Variants in ARMH1 observed in about 807,000 individuals in gnomAD.
ARMH1 encodes the protein armadillo-like helical domain containing protein 1.
ARMH1 carries 34 observed loss-of-function variants against 50.2 expected under a neutral mutation model. The observed-to-expected ratio is 0.68, with a 90% CI of 0.51 to 0.90. ARMH1 has a LOEUF of 0.90. Ranked by LOEUF, ARMH1 falls within the 40% of genes least tolerant of loss-of-function variation. The pLI, the probability that ARMH1 is intolerant of heterozygous loss-of-function variation, is 0.00. For missense variants in ARMH1, 538 were observed against 553.9 expected (o/e 0.97, Z 0.29); for synonymous variants, 221 against 224.2 (o/e 0.99, Z 0.13).
At chr1:44,718,737 T>G (rs1465064237) in intron 6 of ARMH1, among the ~76,000 whole-genome samples, 3 of 152,046 alleles carry the variant, frequency 2.0e-5, no homozygotes, top group Non-Finnish European at 4.4e-5. Context: ...ATAAGAAGCG[T>G]TTCTGGGCCG....
chr1:44,696,055 CA>C (rs1481825729), intron 2 of ARMH1, among the ~76,000 whole-genome samples: 2 of 151,920 alleles, frequency 1.3e-5, no homozygotes, highest in Admixed American at 6.6e-5. Flanking sequence ...GAGGAAGGAA[CA>C]GGGGCAGAAG....
intron 1 of ARMH1, among the ~76,000 whole-genome samples, chr1:44,678,468 G>T (rs993144024): frequency 2.0e-5 from 3 of 152,024 alleles, no homozygotes; most frequent in Non-Finnish European, 2.9e-5. Flanking sequence ...TATCTGCCAG[G>T]GTATGACTGG....
chr1:44,692,466 AT>A (rs1431377724), intron 2 of ARMH1, among the ~76,000 whole-genome samples: 9 of 151,886 alleles, frequency 5.9e-5, no homozygotes, highest in Non-Finnish European at 8.8e-5. Flanking sequence ...CCCCCACTGG[AT>A]TTTAGATCCA....
intron 4 of ARMH1, 69 bp from the exon 5 acceptor site, chr1:44,700,854 A>G (rs1255289343): frequency 5.9e-6 from 8 of 1,345,220 alleles, no homozygotes; most frequent in Non-Finnish European, 7.0e-6. Context: ...TATTCATATT[A>G]TATAATCTTG....
chr1:44,692,772 C>T (rs1039327365), intron 2 of ARMH1, among the ~76,000 whole-genome samples: 2 of 151,942 alleles, frequency 1.3e-5, no homozygotes, highest in African/African-American at 4.8e-5. Flanking sequence ...TTCCTCTGTT[C>T]CCCAGGCTGG....
intron 4 of ARMH1, among the ~76,000 whole-genome samples, chr1:44,700,175 A>T (rs1646003687): frequency 6.6e-6 from 1 of 152,120 alleles, no homozygotes. Flanking sequence ...ATTCTCATCA[A>T]GGTTCTCCTG....
Position 44,718,514 on chromosome 1 carries a change from A to G in ARMH1, c.725-5608A>G, listed in dbSNP as rs570117963. 6.6e-5 allele frequency among the ~76,000 whole-genome samples: 10 copies of G among 152,358 alleles called. No individual in the cohort carries two copies. The South Asian group carries it at 1.9e-3, about 28-fold the overall frequency. On this transcript the variant is annotated intron_variant, in intron 6 of 11. Coordinates refer to ENST00000535358, the MANE Select transcript of ARMH1 (RefSeq NM_001145636.2). ...TCCGGTCTGCCATTTTGTCCAGATC[A>G]GAGAGTGTTTGGGGGAAGCCAGGGA...
intron 6 of ARMH1, chr1:44,721,984 G>A (rs1231505871): frequency 2.0e-5 from 3 of 152,188 alleles, no homozygotes; most frequent in Non-Finnish European, 4.4e-5. Flanking sequence ...GCAGACAGAA[G>A]CTTTTCTTCC....
intron 3 of ARMH1, among the ~76,000 whole-genome samples, 155 bp from the exon 4 acceptor site, chr1:44,697,908 A>G (rs1278525239): frequency 1.3e-5 from 2 of 152,248 alleles, no homozygotes; most frequent in Non-Finnish European, 2.9e-5. Context: ...TCCTGCTGGA[A>G]GGAAGAATTT....
Position 44,721,051 on chromosome 1 carries a change from C to CAAAAA in ARMH1, c.725-3068_725-3064dup, listed in dbSNP as rs770266507. 5.1e-3 allele frequency among the ~76,000 whole-genome samples: 768 copies of CAAAAA among 151,366 alleles called. 4 individuals carry two copies. Among genetic ancestry groups the CAAAAA allele is most frequent in the Non-Finnish European group, 8.7e-3 (591 of 67,786 alleles). ...AACTCCATCTCAAAACAAAACAAAA[C>CAAAAA]AAAAAAAGGGCAAAAGAAAGAGAAG... is the stretch of plus-strand genomic sequence containing the variant. On this transcript the variant is annotated intron_variant, in intron 6 of 11. Coordinates refer to ENST00000535358, the MANE Select transcript of ARMH1 (RefSeq NM_001145636.2).
At chr1:44,688,660 C>T (rs988814332) in intron 1 of ARMH1, among the ~76,000 whole-genome samples, 2 of 152,198 alleles carry the variant, frequency 1.3e-5, no homozygotes, top group African/African-American at 4.8e-5. Context: ...TGAAATATGA[C>T]TTTCACTTGT....
At chr1:44,691,035 G>A (rs1419573772) in intron 2 of ARMH1, among the ~76,000 whole-genome samples, 6 of 151,456 alleles carry the variant, frequency 4.0e-5, no homozygotes, top group Admixed American at 1.3e-4. Context: ...CGAGGTGGGC[G>A]GATCACCTGA....
At position 44,724,280 on chromosome 1, in the gene ARMH1, G is replaced by T; in HGVS notation, c.847+36G>T. The T allele has an allele frequency of 6.4e-7, 1 of 1,550,936 alleles. No homozygotes were observed. Among genetic ancestry groups the T allele is most frequent in the African/African-American group, 1.4e-5 (1 of 73,138 alleles). ...GCTCAAATGGGGCTGCCTGGGCCAC[G>T]GGAGGGCGGTCTCTTGCCTCACGGC... On this transcript the variant is annotated intron_variant, in intron 7 of 11. Transcript: ENST00000535358. This position sits in a 1 kb window ranked among gnomAD's most constrained non-coding sequence, Gnocchi z 6.4.
At chr1:44,719,206 G>C (rs1033533872) in intron 6 of ARMH1, among the ~76,000 whole-genome samples, 1 of 145,800 alleles carries the variant, frequency 6.9e-6, no homozygotes, top group African/African-American at 2.6e-5. Flanking sequence ...TTTTAATTCT[G>C]TGATTGGGAA....
chr1:44,700,907 T>A lies in ARMH1; in HGVS notation c.443-16T>A. On this transcript the variant is annotated splice_polypyrimidine_tract_variant and intron_variant, in intron 4 of 11. Transcript: ENST00000535358. ...AAATCCCTTCCAATTTAGCATTTCC[T>A]CTCTTCTTTGCTCAGGTGTACGATC... The A allele has an allele frequency of 3.9e-6, 6 of 1,526,750 alleles. No homozygotes were observed. The highest frequency in any genetic ancestry group is 5.3e-6 in the Non-Finnish European group (6 of 1,136,742). 94.6% of individuals were successfully genotyped at this position (1,526,750 alleles called of 1,614,324 possible).
At chr1:44,703,560 TAAA>T (rs1186744272) in intron 5 of ARMH1, among the ~76,000 whole-genome samples, 7 of 107,030 alleles carry the variant, frequency 6.5e-5, no homozygotes, top group South Asian at 3.4e-4. Flanking sequence ...CCGTCTCTAC[TAAA>T]AAAAAAAAAA....
intron 6 of ARMH1, among the ~76,000 whole-genome samples, chr1:44,704,853 G>C (rs74373069): frequency 3.2e-5 from 2 of 61,696 alleles, no homozygotes; most frequent in African/African-American, 1.3e-4. Context: ...TTTTTTTTTT[G>C]AGACGGAATC....
intron 3 of ARMH1, 109 bp downstream of exon 3, chr1:44,697,279 C>T: frequency 1.2e-6 from 1 of 842,616 alleles, no homozygotes; most frequent in Non-Finnish European, 2.0e-6. Context: ...GCAGTGGGTT[C>T]CTTGTAGCTC....
chr1:44,684,195 T>C (rs1252056424), intron 1 of ARMH1, among the ~76,000 whole-genome samples: 2 of 152,252 alleles, frequency 1.3e-5, no homozygotes, highest in Non-Finnish European at 2.9e-5. Context: ...AACTGACTCT[T>C]GAAATTGACA....
Sources: gnomAD v4.1 joint callset for allele counts (sites outside exome capture counted in the v4.1 genomes callset) on GRCh38, gnomAD v4.1.1 for gene constraint, Gnocchi (gnomAD v3.1) non-coding constraint, MANE v1.5 for transcripts, NCBI Gene and HGNC (gene_info 2026-07-23, HGNC 2026-07-21) for gene names.